TRPM2: variants seen among roughly 807,000 people sequenced by gnomAD.
TRPM2 encodes estrogen-responsive element-associated gene 1 protein.
A neutral mutation model predicts 174.0 loss-of-function variants in TRPM2; 161 were observed. That is an observed-to-expected ratio of 0.93 (90% CI 0.81 to 1.05). TRPM2 has a LOEUF of 1.05. TRPM2 is among the 50% of genes least tolerant of loss of function. The pLI is 0.00. For missense variants in TRPM2, 2,057 were observed against 2,038.0 expected, an observed-to-expected ratio of 1.01 and a Z score of -0.18; for synonymous variants, 954 against 861.3, an observed-to-expected ratio of 1.11 and a Z score of -1.88.
rs2049853371 is a variant in TRPM2 at position 44,405,904 on chromosome 21, G to C, written c.2658-1G>C. 1 of 1,601,950 alleles carries C rather than the reference G, an allele frequency of 6.2e-7. No homozygotes were observed. The highest frequency in any genetic ancestry group is 8.5e-7 in the Non-Finnish European group (1 of 1,179,370). Reference sequence around the variant, plus strand: ...TGTGTGTGCTTCTGCCCGGCGGCCAGGCTCATCCCGGCGACGCTGTACCCC... The same window carrying C: ...TGTGTGTGCTTCTGCCCGGCGGCCACGCTCATCCCGGCGACGCTGTACCCC... On this transcript the variant is annotated splice_acceptor_variant, in intron 17 of 31. Coordinates refer to ENST00000397928, the MANE Select transcript of TRPM2 (RefSeq NM_003307.4). LOFTEE classifies it high-confidence loss of function.
At chr21:44,388,509 A>G (rs9808754) in intron 9 of TRPM2, among the ~76,000 whole-genome samples, 5,829 of 152,198 alleles carry the variant, frequency 0.038, 330 homozygotes, top group African/African-American at 0.12. Context: ...CATTATGAAT[A>G]TACTTAAGAC....
At chr21:44,368,078 C>G (rs529833162) in intron 4 of TRPM2, among the ~76,000 whole-genome samples, 1 of 152,362 alleles carries the variant, frequency 6.6e-6, no homozygotes, top group East Asian at 1.9e-4. Context: ...ACCACCTTTT[C>G]AATTGTTATC....
chr21:44,407,001 A>G (rs1406872011), intron 19 of TRPM2, among the ~76,000 whole-genome samples: 10 of 149,948 alleles, frequency 6.7e-5, no homozygotes, highest in African/African-American at 2.5e-4. Flanking sequence ...TGCCACGCAG[A>G]GGTCAGAGTG....
chr21:44,398,204 C>T (rs920933638), intron 13 of TRPM2, among the ~76,000 whole-genome samples: 1 of 81,040 alleles, frequency 1.2e-5, no homozygotes, highest in African/African-American at 5.5e-5. Flanking sequence ...AATTTGGAGA[C>T]TGTTTTTTTT....
In TRPM2 at chr21:44,418,526, C is replaced by T. The variant is rs141037341; in HGVS notation, c.3432C>T (p.Pro1144=). The change falls in exon 22 of 32, where the codon CCC becomes CCT. Residue 1144 remains proline, a synonymous_variant. Transcript: ENST00000397928. The stretch of plus-strand genomic sequence containing the variant: ...GACAGTTCCAGCAAAAGCAGCGGCC[C>T]GAGCAGAAGATCGAGGACATCAGCA... ...QNRQFQQKQR[P]EQKIEDISNK... 122 of 1,614,068 alleles carry T rather than the reference C, an allele frequency of 7.6e-5. No homozygotes were observed. Among genetic ancestry groups the T allele is most frequent in the African/African-American group, 6.5e-4 (49 of 75,042 alleles).
chr21:44,363,201 T>A (rs1342481778), intron 2 of TRPM2, among the ~76,000 whole-genome samples: 1 of 152,264 alleles, frequency 6.6e-6, no homozygotes, highest in Non-Finnish European at 1.5e-5. Context: ...TATGTCTTTT[T>A]TGTCAAATAT....
chr21:44,425,397 G>A (rs2050724442), intron 24 of TRPM2: 2 of 435,718 alleles, frequency 4.6e-6, no homozygotes, highest in Admixed American at 3.9e-5. Context: ...CCTCGTAACC[G>A]CACTGCGAGT....
chr21:44,397,213 TA>T (rs1269967375), intron 12 of TRPM2, among the ~76,000 whole-genome samples: 1 of 151,956 alleles, frequency 6.6e-6, no homozygotes, highest in Non-Finnish European at 1.5e-5. Context: ...TAATTTTTTA[TA>T]ATTTAGTAGA....
At chr21:44,373,376 A>G (rs1458198487) in intron 5 of TRPM2, among the ~76,000 whole-genome samples, 2 of 151,222 alleles carry the variant, frequency 1.3e-5, no homozygotes, top group African/African-American at 4.8e-5. Flanking sequence ...TAGTAGAGAC[A>G]GGGTTTCTCC....
At position 44,426,715 on chromosome 21, in the gene TRPM2, C is replaced by G; in HGVS notation, c.3851C>G (p.Ala1284Gly). The G allele has an allele frequency of 6.2e-7, 1 of 1,614,110 alleles. No individual in the cohort carries two copies. Among genetic ancestry groups the G allele is most frequent in the Non-Finnish European group, 8.5e-7 (1 of 1,180,000 alleles). ...PFYTAERKDA[A>G]AMDPMGDTLE... Reference sequence around the variant, plus strand: ...TACACGGCAGAGAGGAAGGACGCGGCCGCCATGGACCCCATGGGAGAGTGA... The same window carrying G: ...TACACGGCAGAGAGGAAGGACGCGGGCGCCATGGACCCCATGGGAGAGTGA... Residue 1284 changes from alanine (A) to glycine (G), a missense_variant, in exon 26 of 32, where the codon GCC becomes GGC. Physicochemically the swap from Ala to Gly is moderately conservative, Grantham distance 60. Transcript: ENST00000397928.
chr21:44,433,729 C>A (rs1334727739), intron 27 of TRPM2, among the ~76,000 whole-genome samples: 1 of 152,206 alleles, frequency 6.6e-6, no homozygotes, highest in Non-Finnish European at 1.5e-5. Context: ...GCAAGGCCCC[C>A]CGGCCACAGA....
intron 27 of TRPM2, among the ~76,000 whole-genome samples, chr21:44,428,678 C>T (rs2050911603): frequency 7.1e-5 from 2 of 28,164 alleles, no homozygotes; most frequent in African/African-American, 1.4e-4. Flanking sequence ...AGGTCTGGCT[C>T]CTCCCTGAGG....
upstream of TRPM2, chr21:44,350,263 C>G (rs1202984937): frequency 6.6e-6 from 1 of 151,388 alleles, no homozygotes; most frequent in African/African-American, 2.4e-5. Flanking sequence ...GGGGCGCGGG[C>G]GGCTCCGAGC....
At chr21:44,400,090 T>C (rs1023427883) in intron 14 of TRPM2, among the ~76,000 whole-genome samples, 169 bp from the exon 15 acceptor site, 1 of 152,110 alleles carries the variant, frequency 6.6e-6, no homozygotes, top group Non-Finnish European at 1.5e-5. Flanking sequence ...AAAGGCGGGA[T>C]TGGACACCCA....
At position 44,354,350 on chromosome 21, in the gene TRPM2, G is replaced by A. The variant is rs183357314; in HGVS notation, c.166-298G>A. On this transcript the variant is annotated intron_variant, in intron 1 of 31. Coordinates refer to ENST00000397928, the MANE Select transcript of TRPM2 (RefSeq NM_003307.4). The surrounding 1 kb of genome is among the most constrained non-coding windows in gnomAD (Gnocchi z 4.3). Reference sequence around the variant, plus strand: ...AGGTCCCCAGATCCCCAGCCTCCACGTTTTCCACCACACCATGTTGTTCCC... The same window carrying A: ...AGGTCCCCAGATCCCCAGCCTCCACATTTTCCACCACACCATGTTGTTCCC... Among the ~76,000 whole-genome samples, 53 of 152,298 alleles carry A rather than the reference G, an allele frequency of 3.5e-4. No individual in the cohort carries two copies. The highest frequency in any genetic ancestry group is 1.0e-3 in the South Asian group (5 of 4,824).
chr21:44,430,099 G>A (rs2050971090), intron 27 of TRPM2, among the ~76,000 whole-genome samples: 1 of 152,034 alleles, frequency 6.6e-6, no homozygotes, highest in Admixed American at 6.6e-5. Context: ...AGCCATCCTT[G>A]CATTCCTGGA....
Position 44,354,687 on chromosome 21 carries a change from A to T in TRPM2, c.205A>T (p.Lys69Ter). 6.2e-7 allele frequency: 1 copy of T among 1,614,220 alleles called. No homozygotes were observed. Among genetic ancestry groups the T allele is most frequent in the Non-Finnish European group, 8.5e-7 (1 of 1,180,032 alleles). The change falls in exon 2 of 32, where the codon AAG becomes TAG. Residue 69 changes from lysine (K) to a stop codon, truncating the protein, a stop_gained. Coordinates refer to ENST00000397928, the MANE Select transcript of TRPM2 (RefSeq NM_003307.4). LOFTEE classifies it high-confidence loss of function. The surrounding 1 kb of genome is among the most constrained non-coding windows in gnomAD (Gnocchi z 4.3). Reference sequence around the variant, plus strand: ...TTCGTGGATTCCTGAAAACATCAAGAAGAAAGAATGCGTGTATTTTGTGGA... The same window carrying T: ...TTCGTGGATTCCTGAAAACATCAAGTAGAAAGAATGCGTGTATTTTGTGGA... ...LSSWIPENIKKKECVYFVESS... is the reference protein window; with the variant it reads ...LSSWIPENIK
At chr21:44,433,962 G>T (rs1383438246) in intron 27 of TRPM2, among the ~76,000 whole-genome samples, 1 of 152,190 alleles carries the variant, frequency 6.6e-6, no homozygotes, top group East Asian at 1.9e-4. Context: ...CCAGCTGGAG[G>T]CTGCCCCGCC....
chr21:44,369,349 T>A lies in TRPM2; in HGVS notation c.771+6T>A. 6.2e-7 allele frequency: 1 copy of A among 1,604,920 alleles called. No individual in the cohort carries two copies. The highest frequency in any genetic ancestry group is 8.5e-7 in the Non-Finnish European group (1 of 1,174,054). ...AGGGCCTGATCCATCCCACGGTGAG[T>A]GCGGCCCCCTAGGGAGGGGAGCCTA... On this transcript the variant is annotated splice_donor_region_variant and intron_variant, in intron 5 of 31. Transcript: ENST00000397928.
Sources: gnomAD v4.1 joint callset for allele counts (sites outside exome capture counted in the v4.1 genomes callset) on GRCh38, gnomAD v4.1.1 for gene constraint, Gnocchi (gnomAD v3.1) non-coding constraint, MANE v1.5 for transcripts, NCBI Gene and HGNC (gene_info 2026-07-23, HGNC 2026-07-21) for gene names.